The following C4orf51 variants were observed in gnomAD, a reference collection of about 807,000 sequenced individuals.
C4orf51 encodes chromosome 4 open reading frame 51.
A neutral mutation model predicts 25.2 loss-of-function variants in C4orf51; 25 were observed. The ratio of observed to expected loss-of-function variants is 0.99; its 90% CI spans 0.72 to 1.39. The LOEUF is 1.39. Ranked by LOEUF, C4orf51 falls within the 40% of genes most tolerant of loss-of-function variation. The pLI is 0.00. For missense variants in C4orf51, 252 were observed against 239.6 expected (o/e 1.05, Z -0.34); for synonymous variants, 100 against 84.5 (o/e 1.18, Z -1.01).
downstream of C4orf51, among the ~76,000 whole-genome samples, chr4:145,734,567 CG>C (rs1354476784): frequency 3.3e-5 from 5 of 152,170 alleles, no homozygotes; most frequent in Admixed American, 6.5e-5. Context: ...TCCCTGTTTG[CG>C]GAGTTAGAGC....
At position 145,741,098 on chromosome 4, in the gene C4orf51, G is replaced by A. The variant is rs893073343; in HGVS notation, n.167+8479G>A. Among the ~76,000 whole-genome samples, 3 of 152,120 alleles carry A rather than the reference G, an allele frequency of 2.0e-5. 1 individual carries two copies. The South Asian group carries it at 6.2e-4, about 32-fold the overall frequency. On this transcript the variant is annotated intron_variant and non_coding_transcript_variant, in intron 1 of 1. Transcript: ENST00000508981. ...CATCAGAAAAGGATAGTTTGTCAGG[G>A]TAACAGAGACCAGGGCTCCAACATA...
chr4:145,694,792 T>C (rs1165909479), intron 1 of C4orf51, among the ~76,000 whole-genome samples: 1 of 151,908 alleles, frequency 6.6e-6, no homozygotes, highest in East Asian at 1.9e-4. Context: ...TACTGTAATC[T>C]TTCTTATCCC....
intron 1 of C4orf51, among the ~76,000 whole-genome samples, chr4:145,693,028 T>A (rs966873926): frequency 6.7e-6 from 1 of 150,182 alleles, no homozygotes; most frequent in African/African-American, 2.4e-5. Flanking sequence ...TTTTTTTTTT[T>A]TTTTTTATTA....
downstream of C4orf51, among the ~76,000 whole-genome samples, chr4:145,773,037 G>T (rs186772580): frequency 1.5e-3 from 231 of 152,224 alleles, no homozygotes; most frequent in African/African-American, 5.4e-3. Flanking sequence ...AGGATGGGAG[G>T]GAGGAAGGTT....
At chr4:145,746,901 T>C (rs367861988) in intron 1 of C4orf51, among the ~76,000 whole-genome samples, 3 of 152,122 alleles carry the variant, frequency 2.0e-5, no homozygotes, top group African/African-American at 7.2e-5. Context: ...TAAGGTTTTA[T>C]AATTTTCATT....
At chr4:145,778,962 A>C in the C4orf51 span, among the ~76,000 whole-genome samples, 1 of 152,152 alleles carries the variant, frequency 6.6e-6, no homozygotes, top group African/African-American at 2.4e-5. Flanking sequence ...TTTCTCCACA[A>C]TTATACATAA....
intron 2 of C4orf51, among the ~76,000 whole-genome samples, chr4:145,718,520 A>C (rs1321743305): frequency 6.6e-6 from 1 of 152,236 alleles, no homozygotes; most frequent in Non-Finnish European, 1.5e-5. Context: ...AAGCCTTTCC[A>C]AGCCTTGAAA....
At chr4:145,696,910 A>G (rs13105126) in intron 2 of C4orf51, among the ~76,000 whole-genome samples, 88,212 of 151,388 alleles carry the variant, frequency 0.58, 26,106 homozygotes, top group African/African-American at 0.68. Flanking sequence ...GGTGGCGCAT[A>G]CCTGTAATCC....
downstream of C4orf51, chr4:145,774,790 T>C (rs1736802670): frequency 8.6e-7 from 1 of 1,159,434 alleles, no homozygotes; most frequent in South Asian, 1.6e-5. Context: ...AACACATTTG[T>C]CTCTCCACCA....
At chr4:145,685,159 T>C (rs1183641063) in intron 1 of C4orf51, among the ~76,000 whole-genome samples, 1 of 152,132 alleles carries the variant, frequency 6.6e-6, no homozygotes, top group Admixed American at 6.6e-5. Context: ...TGGTTGACCA[T>C]TGTGTCAAGT....
intron 2 of C4orf51, among the ~76,000 whole-genome samples, chr4:145,711,737 A>G (rs1478157953): frequency 6.6e-6 from 1 of 151,980 alleles, no homozygotes; most frequent in Non-Finnish European, 1.5e-5. Context: ...CATTTATTGC[A>G]TTATTCAGCT....
chr4:145,711,650 A>T (rs1731138526), intron 2 of C4orf51, among the ~76,000 whole-genome samples: 1 of 151,792 alleles, frequency 6.6e-6, no homozygotes, highest in Non-Finnish European at 1.5e-5. Flanking sequence ...GTTTCAAATG[A>T]TCTGCTTTGA....
intron 1 of C4orf51, among the ~76,000 whole-genome samples, chr4:145,753,156 G>A (rs2126813629): frequency 6.7e-6 from 1 of 149,092 alleles, no homozygotes; most frequent in South Asian, 2.1e-4. Context: ...GTGTGTGTGT[G>A]TGTGTGTGTG....
chr4:145,729,665 A>G (rs1267731445), intron 4 of C4orf51, among the ~76,000 whole-genome samples: 2 of 152,130 alleles, frequency 1.3e-5, no homozygotes, highest in African/African-American at 4.8e-5. Flanking sequence ...CCACATTGTT[A>G]CATCATTTTA....
At chr4:145,686,660 A>G (rs1729174722) in intron 1 of C4orf51, among the ~76,000 whole-genome samples, 1 of 152,230 alleles carries the variant, frequency 6.6e-6, no homozygotes, top group African/African-American at 2.4e-5. Context: ...AACCCTGGAA[A>G]CAACAGTGAG....
At chr4:145,777,046 A>T in the C4orf51 span, among the ~76,000 whole-genome samples, 5 of 152,246 alleles carry the variant, frequency 3.3e-5, no homozygotes, top group African/African-American at 1.2e-4. Context: ...ACTTGGTATT[A>T]CTGTGCCTGG....
intron 1 of C4orf51, among the ~76,000 whole-genome samples, chr4:145,753,210 A>G (rs2126813761): frequency 6.6e-6 from 1 of 150,780 alleles, no homozygotes. Flanking sequence ...CTGGTGGGGG[A>G]AAAAGAGGAC....
In C4orf51 at chr4:145,692,953, G is replaced by GTTTTTTTTTT. The variant is rs202227019; in HGVS notation, c.234-3589_234-3580dup. On this transcript the variant is annotated intron_variant, in intron 1 of 5. Coordinates refer to ENST00000438731, the MANE Select transcript of C4orf51 (RefSeq NM_001080531.3). Reference sequence around the variant, plus strand: ...TTACTCCGCTGATATTAAGTTTTTAGTTTTTTTTTTTTTTTTTTTTTTTTT... The same window carrying GTTTTTTTTTT: ...TTACTCCGCTGATATTAAGTTTTTAGTTTTTTTTTTTTTTTTTTTTTTTTTTTTTTTTTTT... Among the ~76,000 whole-genome samples the GTTTTTTTTTT allele has an allele frequency of 2.2e-3, 219 of 100,944 alleles. 22 individuals are homozygous for GTTTTTTTTTT. The highest frequency in any genetic ancestry group is 3.8e-3 in the East Asian group (12 of 3,148). The allele number at this position is 100,944 out of a possible 152,430, so 66.2% of individuals were successfully genotyped here.
Position 145,729,884 on chromosome 4 carries a change from C to A in C4orf51, c.428-8C>A. 6.2e-7 allele frequency: 1 copy of A among 1,612,356 alleles called. No individual in the cohort carries two copies. The highest frequency in any genetic ancestry group is 8.5e-7 in the Non-Finnish European group (1 of 1,178,428). Reference sequence around the variant, plus strand: ...AACACTCACACATTGGCTATCTCTTCACCCTAGGTGTGAGACCTAAAAAGC... The same window carrying A: ...AACACTCACACATTGGCTATCTCTTAACCCTAGGTGTGAGACCTAAAAAGC... On this transcript the variant is annotated splice_region_variant and splice_polypyrimidine_tract_variant and intron_variant, in intron 4 of 5. Coordinates refer to ENST00000438731, the MANE Select transcript of C4orf51 (RefSeq NM_001080531.3).
Sources: gnomAD v4.1 joint callset for allele counts (sites outside exome capture counted in the v4.1 genomes callset) on GRCh38, gnomAD v4.1.1 for gene constraint, MANE v1.5 for transcripts, NCBI Gene and HGNC (gene_info 2026-07-23, HGNC 2026-07-21) for gene names.